Variants in RGS3 observed in about 807,000 individuals in gnomAD.
RGS3 encodes regulator of G protein signaling 3.
RGS3 carries 80 observed loss-of-function variants against 132.6 expected under a neutral mutation model. That is an observed-to-expected ratio of 0.60 (90% CI 0.50 to 0.73). RGS3 has a LOEUF of 0.73. Ranked by LOEUF, RGS3 falls within the 30% of genes least tolerant of loss-of-function variation. RGS3 has a pLI of 0.00. For missense variants in RGS3, 1,382 were observed against 1,530.8 expected, an observed-to-expected ratio of 0.90 and a Z score of 1.62; for synonymous variants, 598 against 620.6, an observed-to-expected ratio of 0.96 and a Z score of 0.54.
intron 21 of RGS3, 190 bp from the exon 20 acceptor site, chr9:113,594,240 A>G (rs369456500): frequency 6.2e-7 from 1 of 1,612,570 alleles, no homozygotes; most frequent in Non-Finnish European, 8.5e-7. Context: ...CCTCCTACAG[A>G]CCAATCTGCG....
intron 19 of RGS3, among the ~76,000 whole-genome samples, chr9:113,547,436 G>A (rs1588233195): frequency 1.3e-5 from 2 of 152,266 alleles, no homozygotes; most frequent in East Asian, 3.9e-4. Context: ...CCCCATTGGA[G>A]GCCAGCACAA....
At chr9:113,546,975 A>G (rs1421183004) in intron 19 of RGS3, among the ~76,000 whole-genome samples, 2 of 152,210 alleles carry the variant, frequency 1.3e-5, no homozygotes, top group Non-Finnish European at 2.9e-5. Flanking sequence ...GAGGGAGTTG[A>G]ATTCAGATGG....
intron 14 of RGS3, among the ~76,000 whole-genome samples, chr9:113,512,249 C>G (rs1416426633): frequency 1.3e-5 from 2 of 152,172 alleles, no homozygotes; most frequent in African/African-American, 4.8e-5. Flanking sequence ...GAGGATGGTG[C>G]TTTAAACAAA....
chr9:113,518,070 G>A (rs536971173), intron 16 of RGS3, among the ~76,000 whole-genome samples: 33 of 152,278 alleles, frequency 2.2e-4, no homozygotes, highest in African/African-American at 5.1e-4. Context: ...CTATGATTTC[G>A]CCTGGGTTGT....
At chr9:113,580,486 T>C (rs1588283175) in intron 19 of RGS3, among the ~76,000 whole-genome samples, 1 of 152,356 alleles carries the variant, frequency 6.6e-6, no homozygotes, top group East Asian at 1.9e-4. Context: ...GTGAGTCCAG[T>C]ATGATATCAC....
intron 1 of RGS3, among the ~76,000 whole-genome samples, chr9:113,445,458 A>G (rs1357493355): frequency 1.3e-5 from 2 of 152,048 alleles, no homozygotes; most frequent in Non-Finnish European, 2.9e-5. Flanking sequence ...TCGGCCTCCC[A>G]AAGTGCTGGG....
chr9:113,508,614 T>C, intron 14 of RGS3, 34 bp downstream of exon 12: 1 of 1,608,748 alleles, frequency 6.2e-7, no homozygotes, highest in East Asian at 2.2e-5. Flanking sequence ...CCCTCCTAGC[T>C]CAGAGAGGCA....
At chr9:113,575,969 A>G (rs1390205422) in intron 19 of RGS3, among the ~76,000 whole-genome samples, 2 of 152,120 alleles carry the variant, frequency 1.3e-5, no homozygotes, top group Non-Finnish European at 2.9e-5. Context: ...GAGGTTTACG[A>G]ATGTGTATTT....
chr9:113,476,363 TGAG>T (rs1829995109), intron 3 of RGS3, among the ~76,000 whole-genome samples: 1 of 151,958 alleles, frequency 6.6e-6, no homozygotes, highest in Admixed American at 6.5e-5. Flanking sequence ...GGCTACAAAA[TGAG>T]GAGACTGGAC....
upstream of RGS3, among the ~76,000 whole-genome samples, chr9:113,459,191 T>A (rs1163803814): frequency 6.6e-6 from 1 of 152,252 alleles, no homozygotes; most frequent in Non-Finnish European, 1.5e-5. Context: ...CTTTGTTTTT[T>A]CCTATGTTCT....
upstream of RGS3, among the ~76,000 whole-genome samples, chr9:113,455,968 C>T (rs542892696): frequency 2.0e-5 from 3 of 152,174 alleles, no homozygotes; most frequent in East Asian, 1.9e-4. Flanking sequence ...AGTTGTTGCC[C>T]CCCAGCATTT....
chr9:113,499,291 G>C (rs1026054112), intron 10 of RGS3, among the ~76,000 whole-genome samples: 14 of 151,562 alleles, frequency 9.2e-5, no homozygotes, highest in Admixed American at 2.6e-4. Context: ...TGTATACCAG[G>C]TGCTGTTACC....
intron 7 of RGS3, among the ~76,000 whole-genome samples, chr9:113,491,387 T>G (rs1830517384): frequency 6.6e-6 from 1 of 151,878 alleles, no homozygotes; most frequent in Admixed American, 6.6e-5. Flanking sequence ...TAGCTGGCAC[T>G]CTGCAGGCGC....
At chr9:113,456,109 C>T (rs1416984334), upstream of RGS3, among the ~76,000 whole-genome samples, 1 of 152,104 alleles carries the variant, frequency 6.6e-6, no homozygotes, top group Non-Finnish European at 1.5e-5. Context: ...TTAATACATC[C>T]CCTGACTTTT....
At chr9:113,553,465 T>A (rs370958349) in intron 19 of RGS3, among the ~76,000 whole-genome samples, 3,914 of 33,162 alleles carry the variant, frequency 0.12, 90 homozygotes, top group East Asian at 0.25. Context: ...AAAAAATATA[T>A]ATATATATAT....
intron 16 of RGS3, 164 bp from the exon 15 acceptor site, chr9:113,522,766 C>A (rs376076278): frequency 1.5e-6 from 1 of 653,132 alleles, no homozygotes; most frequent in East Asian, 2.6e-5. Flanking sequence ...GTCAGGACTG[C>A]CCTTGGCTGA....
At chr9:113,577,113 A>G (rs1430022110) in intron 19 of RGS3, among the ~76,000 whole-genome samples, 1 of 152,032 alleles carries the variant, frequency 6.6e-6, no homozygotes, top group African/African-American at 2.4e-5. Context: ...ACTCCCAAGT[A>G]GCTGGGATTA....
chr9:113,522,913 G>T lies in RGS3; in HGVS notation c.1759-17G>T. The T allele has an allele frequency of 5.1e-6, 8 of 1,555,376 alleles. No homozygotes were observed. The highest frequency in any genetic ancestry group is 7.1e-6 in the Non-Finnish European group (8 of 1,126,348). Reference sequence around the variant, plus strand: ...GACAGCAAAGTAGCCAGTTCTGTTTGCTCTCTGTCAACCCAGGTGACACTG... The same window carrying T: ...GACAGCAAAGTAGCCAGTTCTGTTTTCTCTCTGTCAACCCAGGTGACACTG... On this transcript the variant is annotated splice_polypyrimidine_tract_variant and intron_variant, in intron 16 of 24. Transcript: ENST00000350696.
chr9:113,530,634 A>G (rs1383141070), intron 18 of RGS3, among the ~76,000 whole-genome samples: 1 of 152,234 alleles, frequency 6.6e-6, no homozygotes, highest in Non-Finnish European at 1.5e-5. Flanking sequence ...GCTTCCTTCC[A>G]GGTTGGGTTA....
Sources: allele counts gnomAD v4.1 joint callset (sites outside exome capture counted in the v4.1 genomes callset), GRCh38; gene constraint gnomAD v4.1.1; transcripts MANE v1.5; gene names NCBI Gene and HGNC (gene_info 2026-07-23, HGNC 2026-07-21).